ASPRV1: variants seen among roughly 807,000 people sequenced by gnomAD.
ASPRV1 encodes the protein retroviral-like aspartic protease 1.
A neutral mutation model predicts 11.0 loss-of-function variants in ASPRV1; 7 were observed. The observed-to-expected ratio is 0.64, with a 90% confidence interval of 0.36 to 1.20. ASPRV1 has a LOEUF of 1.20. ASPRV1 is among the 50% of genes most tolerant of loss of function. The pLI is 0.02. For missense variants in ASPRV1, 299 were observed against 320.0 expected (o/e 0.93, Z 0.50); for synonymous variants, 136 against 138.4 (o/e 0.98, Z 0.12).
chr2:69,986,792 G>T, the ASPRV1 span, among the ~76,000 whole-genome samples: 2 of 152,240 alleles, frequency 1.3e-5, no homozygotes, highest in African/African-American at 4.8e-5. Context: ...TGTGGTTCCA[G>T]CTGTGCACAC....
the ASPRV1 span, among the ~76,000 whole-genome samples, chr2:70,040,967 C>T: frequency 6.6e-6 from 1 of 152,294 alleles, no homozygotes; most frequent in South Asian, 2.1e-4. Flanking sequence ...GAGCTGACTC[C>T]CTGGTCTTCA....
At chr2:69,946,831 G>T in the ASPRV1 span, among the ~76,000 whole-genome samples, 1 of 152,130 alleles carries the variant, frequency 6.6e-6, no homozygotes, top group African/African-American at 2.4e-5. Context: ...TTTCCAGGTA[G>T]TATCTCACCT....
At chr2:70,021,101 A>G in the ASPRV1 span, among the ~76,000 whole-genome samples, 5 of 152,154 alleles carry the variant, frequency 3.3e-5, no homozygotes, top group African/African-American at 1.2e-4. Flanking sequence ...GGTGGCCACC[A>G]TTCCATTCTT....
At chr2:69,944,401 GCCACTGCAGGGCCTCCGTGAA>G in the ASPRV1 span, among the ~76,000 whole-genome samples, 1 of 152,224 alleles carries the variant, frequency 6.6e-6, no homozygotes, top group African/African-American at 2.4e-5. Flanking sequence ...GGCTGGGTGC[GCCACTGCAGGGCCTCCGTGAA>G]CCTTCACATT....
At chr2:69,964,333 C>T, upstream of ASPRV1, 1 of 455,890 alleles carries the variant, frequency 2.2e-6, no homozygotes, top group South Asian at 1.6e-5. Flanking sequence ...CCTCTGGGAC[C>T]TCCACAACAG....
At chr2:69,961,989 G>A (rs983975721), upstream of ASPRV1, 15 of 337,488 alleles carry the variant, frequency 4.4e-5, no homozygotes, top group East Asian at 9.7e-5. Flanking sequence ...CGGGGAAGCC[G>A]CCATTGGCCT....
the ASPRV1 span, among the ~76,000 whole-genome samples, chr2:70,040,927 T>C: frequency 1.3e-5 from 2 of 152,232 alleles, no homozygotes; most frequent in Admixed American, 1.3e-4. Context: ...TGAATGCCCA[T>C]TTCAAGCCCT....
chr2:69,952,163 T>C, the ASPRV1 span, among the ~76,000 whole-genome samples: 1 of 152,184 alleles, frequency 6.6e-6, no homozygotes, highest in African/African-American at 2.4e-5. Context: ...CAAATTAACC[T>C]CTCCCAATCT....
At chr2:70,009,624 C>T in the ASPRV1 span, among the ~76,000 whole-genome samples, 2 of 152,208 alleles carry the variant, frequency 1.3e-5, no homozygotes, top group Non-Finnish European at 2.9e-5. Flanking sequence ...GCCACCACAC[C>T]TGGCCATAAC....
At chr2:69,937,444 A>G in the ASPRV1 span, 4 of 1,388,592 alleles carry the variant, frequency 2.9e-6, no homozygotes, top group Non-Finnish European at 3.8e-6. Flanking sequence ...CCCCAACCCC[A>G]GAGCAGGGGT....
At chr2:70,003,848 G>A in the ASPRV1 span, among the ~76,000 whole-genome samples, 2 of 152,200 alleles carry the variant, frequency 1.3e-5, no homozygotes, top group Non-Finnish European at 1.5e-5. Flanking sequence ...ATGGGAGTGG[G>A]TTCCTCACAA....
chr2:69,989,251 C>T, the ASPRV1 span, among the ~76,000 whole-genome samples: 3 of 152,236 alleles, frequency 2.0e-5, no homozygotes, highest in African/African-American at 4.8e-5. Context: ...GGTATGGAAA[C>T]GGCACCTGAT....
chr2:69,955,741 T>G (rs1189723171), downstream of ASPRV1, among the ~76,000 whole-genome samples: 1 of 152,106 alleles, frequency 6.6e-6, no homozygotes, highest in Admixed American at 6.5e-5. Flanking sequence ...ACAGTAGCTG[T>G]GTGACATGAG....
At chr2:70,046,719 A>G in the ASPRV1 span, 1 of 152,168 alleles carries the variant, frequency 6.6e-6, no homozygotes, top group Non-Finnish European at 1.5e-5. Context: ...GGTGGTATAA[A>G]GGGGAACTGA....
At chr2:69,974,204 G>C in the ASPRV1 span, among the ~76,000 whole-genome samples, 1 of 152,026 alleles carries the variant, frequency 6.6e-6, no homozygotes, top group African/African-American at 2.4e-5. Context: ...AGGCATGGTG[G>C]TGCATGCCTG....
At chr2:70,039,092 A>AC in the ASPRV1 span, among the ~76,000 whole-genome samples, 1 of 152,100 alleles carries the variant, frequency 6.6e-6, no homozygotes, top group Non-Finnish European at 1.5e-5. Context: ...AAAAAAAAAA[A>AC]AAACAAAGCC....
chr2:69,972,067 A>ACT, the ASPRV1 span, among the ~76,000 whole-genome samples: 1 of 143,598 alleles, frequency 7.0e-6, no homozygotes. Context: ...TTTCTTTACC[A>ACT]TTTTTTTTTT....
chr2:69,983,013 C>A, the ASPRV1 span, among the ~76,000 whole-genome samples: 4 of 152,168 alleles, frequency 2.6e-5, no homozygotes, highest in Admixed American at 2.0e-4. Context: ...CCATCTCCAG[C>A]GTTCAAGTGA....
At chr2:69,959,491 GA>G (rs1262018878), downstream of ASPRV1, among the ~76,000 whole-genome samples, 3 of 152,054 alleles carry the variant, frequency 2.0e-5, no homozygotes, top group Non-Finnish European at 4.4e-5. Context: ...CCCTAAAAGA[GA>G]TGCACACCCC....
Sources: allele counts gnomAD v4.1 joint callset (sites outside exome capture counted in the v4.1 genomes callset), GRCh38; gene constraint gnomAD v4.1.1; transcripts MANE v1.5; gene names NCBI Gene and HGNC (gene_info 2026-07-23, HGNC 2026-07-21).